DHRSX: variants seen among roughly 807,000 people sequenced by gnomAD.
The protein encoded by DHRSX is polyprenol dehydrogenase.
Under a neutral mutation model 34.0 loss-of-function variants are expected in DHRSX, and 31 were observed. That is an observed-to-expected ratio of 0.91 (90% confidence interval 0.69 to 1.23). The LOEUF (loss-of-function observed/expected upper bound fraction) is 1.23. Ranked by LOEUF, DHRSX falls within the 50% of genes most tolerant of loss-of-function variation. DHRSX has a pLI of 0.00. For synonymous variants in DHRSX, 201 were observed against 183.8 expected, an observed-to-expected ratio of 1.09 and a Z score of -0.76; for missense variants, 414 against 428.1, an observed-to-expected ratio of 0.97 and a Z score of 0.29.
At chrX:2,437,692 AGAGAGAGTGTGTGTGTGT>A (rs1301467886) in intron 1 of DHRSX, among the ~76,000 whole-genome samples, 187 of 79,688 alleles carry the variant, frequency 2.3e-3, no homozygotes, top group Middle Eastern at 0.013. Context: ...AGAGAGAGAG[AGAGAGAGTGTGTGTGTGT>A]GTGTGTGTGT....
At chrX:2,432,359 G>A (rs189718858) in intron 1 of DHRSX, among the ~76,000 whole-genome samples, 106 of 152,244 alleles carry the variant, frequency 7.0e-4, no homozygotes, top group Middle Eastern at 6.8e-3. Flanking sequence ...CAAACTGGAC[G>A]AATCGATTCG....
intron 4 of DHRSX, among the ~76,000 whole-genome samples, chrX:2,290,850 G>T (rs894172132): frequency 6.6e-6 from 1 of 152,140 alleles, no homozygotes; most frequent in South Asian, 2.1e-4. Flanking sequence ...AAATAAAATG[G>T]ACTGCAGCAG....
chrX:2,292,655 G>A lies in DHRSX; in HGVS notation c.287-1052C>T, dbSNP rs2041880364. On this transcript the variant is annotated intron_variant, in intron 3 of 6. Transcript: ENST00000334651. ...CTGCTACAGATAGTAAGAAGTACGA[G>A]CCCTTCCACGTTGCTGAATCTGTGT... Among the ~76,000 whole-genome samples, 3 of 152,194 alleles carry A rather than the reference G, an allele frequency of 2.0e-5. No individual in the cohort carries two copies. The South Asian group carries it at 6.2e-4, about 32-fold the overall frequency.
chrX:2,239,892 T>C (rs1380554932), intron 6 of DHRSX, among the ~76,000 whole-genome samples: 2 of 152,234 alleles, frequency 1.3e-5, no homozygotes, highest in East Asian at 1.9e-4. Flanking sequence ...TGTTGGTGTA[T>C]TGCTAGCGAA....
chrX:2,489,872 T>C (rs1320396640), intron 1 of DHRSX: 2 of 1,613,812 alleles, frequency 1.2e-6, no homozygotes, highest in Non-Finnish European at 1.7e-6. Context: ...CACTGCGACG[T>C]CCAGCAGGGA....
Position 2,221,166 on chromosome X carries a change from C to G in DHRSX, c.868G>C (p.Gly290Arg), listed in dbSNP as rs2015511437. 6.2e-7 allele frequency: 1 copy of G among 1,613,740 alleles called. No individual in the cohort carries two copies. Among genetic ancestry groups the G allele is most frequent in the Non-Finnish European group, 8.5e-7 (1 of 1,179,852 alleles). ...AAVTPELEGV[G>R]GHYLYNEKET... ...TTCTCGTTGTATAGGTAATGGCCAC[C>G]AACTCCTTCCAGCTCTGGGGTGACT... Residue 290 changes from glycine (G) to arginine (R), a missense_variant, in exon 7 of 7, where the codon GGT becomes CGT. By Grantham distance (125) the Gly-to-Arg change is moderately radical. Transcript: ENST00000334651.
At chrX:2,490,765 G>C (rs376434036) in intron 1 of DHRSX, 3 of 1,581,378 alleles carry the variant, frequency 1.9e-6, no homozygotes, top group African/African-American at 2.7e-5. Flanking sequence ...CTCATGCGTG[G>C]GGACCTGCTG....
rs1355559988 is a variant in DHRSX, at chrX:2,441,963, A to G, written c.110-16659T>C. Among the ~76,000 whole-genome samples, 3 of 152,054 alleles carry G rather than the reference A, an allele frequency of 2.0e-5. No individual in the cohort carries two copies. In the East Asian group the frequency reaches 5.8e-4, roughly 29 times the overall value. ...GTGGCGTGCGCCTGTAGGCCCAGCT[A>G]TTTGGGAGGCTGAGGCAGAAGAATT... On this transcript the variant is annotated intron_variant, in intron 1 of 6. Coordinates refer to ENST00000334651, the MANE Select transcript of DHRSX (RefSeq NM_145177.3).
intron 1 of DHRSX, among the ~76,000 whole-genome samples, chrX:2,498,997 GA>G (rs1294630807): frequency 7.9e-5 from 12 of 152,208 alleles, no homozygotes; most frequent in African/African-American, 2.9e-4. Context: ...CAGTTTGGCA[GA>G]AAAAGAAAAG....
intron 1 of DHRSX, among the ~76,000 whole-genome samples, chrX:2,447,090 C>T (rs1254649471): frequency 4.0e-5 from 6 of 151,882 alleles, no homozygotes; most frequent in African/African-American, 1.5e-4. Context: ...CCGCCCTGTA[C>T]ACAAACCGTG....
chrX:2,482,563 T>C lies in DHRSX; in HGVS notation c.109+18254A>G, dbSNP rs1212326480. On this transcript the variant is annotated intron_variant, in intron 1 of 6. Transcript: ENST00000334651. ...GACAGGTGTGAGCCATTGTGCCCGG[T>C]CTCATACCATTTTTGTATCATGAAA... Among the ~76,000 whole-genome samples, 7 of 152,122 alleles carry C rather than the reference T, an allele frequency of 4.6e-5. No individual in the cohort carries two copies. The East Asian group carries it at 5.8e-4, about 13-fold the overall frequency.
At position 2,220,788 on chromosome X, in the gene DHRSX, G is replaced by T. The variant is rs1312714529; in HGVS notation, c.*253C>A. On this transcript the variant is annotated 3_prime_UTR_variant, in exon 7 of 7. Transcript: ENST00000334651. ...ATGTTGGAAAATGTAATTATTTATG[G>T]CACCTGTGACAACTGGGCACTTTGG... The T allele has an allele frequency of 2.1e-6, 1 of 466,848 alleles. No homozygotes were observed. The highest frequency in any genetic ancestry group is 3.8e-6 in the Non-Finnish European group (1 of 264,166). The allele number at this position is 466,848 out of a possible 1,614,324, so 28.9% of individuals were successfully genotyped here.
At chrX:2,285,230 T>C (rs1174777556) in intron 4 of DHRSX, among the ~76,000 whole-genome samples, 2 of 152,232 alleles carry the variant, frequency 1.3e-5, no homozygotes, top group East Asian at 1.9e-4. Context: ...GAAATAATTC[T>C]ACAAGTCGCC....
intron 5 of DHRSX, among the ~76,000 whole-genome samples, chrX:2,264,676 C>T (rs191549411): frequency 2.1e-4 from 32 of 149,910 alleles, no homozygotes; most frequent in African/African-American, 7.4e-4. Flanking sequence ...CCAGGGAGCA[C>T]CATTTCCAGG....
At chrX:2,496,877 AAAAT>A (rs1204275735) in intron 1 of DHRSX, among the ~76,000 whole-genome samples, 1 of 148,858 alleles carries the variant, frequency 6.7e-6, no homozygotes, top group African/African-American at 2.4e-5. Context: ...AATTATTCTA[AAAAT>A]ATATATATTT....
chrX:2,422,127 C>A (rs2043788019), intron 2 of DHRSX, among the ~76,000 whole-genome samples: 1 of 152,162 alleles, frequency 6.6e-6, no homozygotes, highest in Non-Finnish European at 1.5e-5. Context: ...TAAGGAAGAA[C>A]TGAGACAAAT....
At chrX:2,464,172 G>T (rs1454673160) in intron 1 of DHRSX, among the ~76,000 whole-genome samples, 1 of 145,646 alleles carries the variant, frequency 6.9e-6, no homozygotes, top group East Asian at 2.0e-4. Flanking sequence ...CGAAGAGATG[G>T]CAGACGTTTC....
At chrX:2,310,965 G>T (rs1316137319) in intron 3 of DHRSX, among the ~76,000 whole-genome samples, 1 of 151,894 alleles carries the variant, frequency 6.6e-6, no homozygotes, top group Non-Finnish European at 1.5e-5. Flanking sequence ...GGAGGCTGAG[G>T]CAGGAGAATC....
At chrX:2,430,679 C>T (rs1298651193) in intron 1 of DHRSX, among the ~76,000 whole-genome samples, 1 of 152,138 alleles carries the variant, frequency 6.6e-6, no homozygotes. Context: ...CCTAGTAAAT[C>T]TCTGGCCCAT....
Sources: allele counts gnomAD v4.1 joint callset (sites outside exome capture counted in the v4.1 genomes callset), GRCh38; gene constraint gnomAD v4.1.1; transcripts MANE v1.5; gene names NCBI Gene and HGNC (gene_info 2026-07-23, HGNC 2026-07-21).